The following PARG variants were observed in gnomAD, a reference collection of about 807,000 sequenced individuals.
The protein encoded by PARG is mitochondrial poly(ADP-ribose) glycohydrolase.
In PARG, 35 loss-of-function variants were observed where a neutral mutation model predicts 113.0. That is an observed-to-expected ratio of 0.31 (90% CI 0.24 to 0.41). The LOEUF is 0.41. Among genes scored for constraint, PARG ranks in the 10% least tolerant of loss-of-function variants. The probability of loss-of-function intolerance (pLI) is 1.00; values close to 1 mark genes in which losing one functional copy is unlikely to be tolerated. For synonymous variants in PARG, 330 were observed against 409.9 expected, an observed-to-expected ratio of 0.81 and a Z score of 2.36; for missense variants, 797 against 1,169.4, an observed-to-expected ratio of 0.68 and a Z score of 4.64.
intron 7 of PARG, among the ~76,000 whole-genome samples, chr10:49,912,568 C>T (rs143368842): frequency 7.1e-4 from 108 of 152,228 alleles, no homozygotes; most frequent in Middle Eastern, 3.4e-3. Context: ...GAAGCTGAGG[C>T]AGGCAAATGG....
intron 2 of PARG, 21 bp downstream of exon 2, chr10:49,935,055 T>C: frequency 4.2e-6 from 3 of 711,592 alleles, no homozygotes; most frequent in Non-Finnish European, 7.7e-6. Flanking sequence ...TTCATTTCTC[T>C]ACATAGGAAT....
At chr10:49,927,374 GA>G (rs1838245215) in intron 4 of PARG, among the ~76,000 whole-genome samples, 366 of 20,512 alleles carry the variant, frequency 0.018, no homozygotes, top group African/African-American at 0.026. Flanking sequence ...AAGAAGGAAA[GA>G]AAGAAAGAAA....
intron 1 of PARG, among the ~76,000 whole-genome samples, chr10:49,939,057 C>T (rs1838887689): frequency 6.6e-6 from 1 of 152,110 alleles, no homozygotes; most frequent in Admixed American, 6.5e-5. Context: ...TGAGGACTGA[C>T]TGCCCTCACC....
At chr10:49,923,613 T>C (rs1838002140) in intron 4 of PARG, among the ~76,000 whole-genome samples, 1 of 151,496 alleles carries the variant, frequency 6.6e-6, no homozygotes, top group Non-Finnish European at 1.5e-5. Flanking sequence ...GCACAGGGAG[T>C]TGTGAAACTG....
intron 1 of PARG, among the ~76,000 whole-genome samples, chr10:49,935,344 G>C (rs1477504589): frequency 6.6e-6 from 1 of 152,206 alleles, no homozygotes; most frequent in Non-Finnish European, 1.5e-5. Flanking sequence ...GTGCCTAAAA[G>C]AGTTGGTATG....
chr10:49,915,635 G>A (rs1317312977), intron 7 of PARG, among the ~76,000 whole-genome samples: 4 of 151,966 alleles, frequency 2.6e-5, no homozygotes, highest in Non-Finnish European at 4.4e-5. Context: ...GAGAATATAA[G>A]AACCATTATA....
chr10:49,931,351 T>C (rs1329159215), intron 4 of PARG, among the ~76,000 whole-genome samples: 2 of 152,040 alleles, frequency 1.3e-5, no homozygotes, highest in Admixed American at 1.3e-4. Context: ...AGCCACAAGA[T>C]TAGAAATTAT....
chr10:49,940,577 G>A (rs1319277926), intron 1 of PARG, among the ~76,000 whole-genome samples: 1 of 151,886 alleles, frequency 6.6e-6, no homozygotes, highest in Non-Finnish European at 1.5e-5. Context: ...GAGTGCAATG[G>A]TGCCCTCTCG....
intron 7 of PARG, among the ~76,000 whole-genome samples, chr10:49,886,927 T>C (rs1231206507): frequency 2.6e-5 from 4 of 152,212 alleles, no homozygotes; most frequent in Non-Finnish European, 5.9e-5. Flanking sequence ...GATGACATTC[T>C]ACTATTTTAC....
chr10:49,891,612 TATA>T (rs1847794270), intron 7 of PARG, among the ~76,000 whole-genome samples: 4 of 54,244 alleles, frequency 7.4e-5, no homozygotes, highest in African/African-American at 3.4e-4. Context: ...TATATATATA[TATA>T]TATATATATT....
chr10:49,851,268 T>TTTA (rs1554834184), intron 13 of PARG, among the ~76,000 whole-genome samples: 1 of 149,014 alleles, frequency 6.7e-6, no homozygotes, highest in African/African-American at 2.5e-5. Context: ...GGAAAGCAGG[T>TTTA]TTATATAAAC....
chr10:49,893,274 C>T (rs4390270), intron 7 of PARG, among the ~76,000 whole-genome samples: 65,775 of 151,976 alleles, frequency 0.43, 16,646 homozygotes, highest in East Asian at 0.59. Flanking sequence ...TGCCTGCAGG[C>T]TAATATCTTA....
chr10:49,880,922 A>G (rs1399741195), intron 8 of PARG, among the ~76,000 whole-genome samples: 2 of 152,252 alleles, frequency 1.3e-5, no homozygotes, highest in African/African-American at 2.4e-5. Context: ...ATATTTTGAA[A>G]TAGCCCTGCA....
intron 16 of PARG, among the ~76,000 whole-genome samples, chr10:49,828,228 T>C (rs1844470789): frequency 6.7e-6 from 1 of 149,112 alleles, no homozygotes. Context: ...AACCAAAGGG[T>C]GACAAGCCCC....
At chr10:49,938,918 T>C (rs1465433827) in intron 1 of PARG, among the ~76,000 whole-genome samples, 3 of 152,194 alleles carry the variant, frequency 2.0e-5, no homozygotes, top group East Asian at 1.9e-4. Flanking sequence ...GATACAAATA[T>C]AGTCTTCGAA....
At chr10:49,934,803 C>T (rs1252870455) in intron 2 of PARG, among the ~76,000 whole-genome samples, 1 of 151,242 alleles carries the variant, frequency 6.6e-6, no homozygotes, top group Non-Finnish European at 1.5e-5. Flanking sequence ...TAGCCGAGAT[C>T]ACGCCACTAC....
chr10:49,881,387 T>C (rs1847206351), intron 8 of PARG, among the ~76,000 whole-genome samples: 1 of 152,242 alleles, frequency 6.6e-6, no homozygotes, highest in Admixed American at 6.5e-5. Context: ...ATTTTAAATA[T>C]TAAACTATGT....
chr10:49,933,138 T>C (rs2132975044), intron 3 of PARG, 39 bp downstream of exon 3: 3 of 1,399,972 alleles, frequency 2.1e-6, no homozygotes, highest in Middle Eastern at 1.8e-4. Context: ...CTATAAAGCA[T>C]ATTATGCTAT....
At chr10:49,859,250 A>G (rs1846140811) in intron 12 of PARG, among the ~76,000 whole-genome samples, 1 of 144,626 alleles carries the variant, frequency 6.9e-6, no homozygotes, top group South Asian at 2.2e-4. Context: ...ACAGTTGGTG[A>G]TGAGGTGGTC....
Sources: gnomAD v4.1 joint callset for allele counts (sites outside exome capture counted in the v4.1 genomes callset) on GRCh38, gnomAD v4.1.1 for gene constraint, MANE v1.5 for transcripts, NCBI Gene and HGNC (gene_info 2026-07-23, HGNC 2026-07-21) for gene names.